Variants in EPB41 observed in about 807,000 individuals in gnomAD.
EPB41 encodes erythrocyte membrane protein band 4.1.
In EPB41, 65 loss-of-function variants were observed where a neutral mutation model predicts 108.0. The ratio of observed to expected loss-of-function variants is 0.60; its 90% CI spans 0.49 to 0.74. The LOEUF (loss-of-function observed/expected upper bound fraction) is 0.74, where lower values mean the gene tolerates loss of function less well. EPB41 is among the 30% of genes least tolerant of loss of function. The pLI is 0.00. For missense variants in EPB41, 875 were observed against 1,037.0 expected (o/e 0.84, Z 2.15); for synonymous variants, 336 against 358.9 (o/e 0.94, Z 0.72).
At chr1:29,032,489 C>G (rs1023161670) in intron 8 of EPB41, among the ~76,000 whole-genome samples, 2 of 152,114 alleles carry the variant, frequency 1.3e-5, no homozygotes, top group African/African-American at 4.8e-5. Context: ...TCTCTATACT[C>G]ATTTTGGGGG....
At chr1:29,022,393 AAAC>A (rs2096658033) in intron 7 of EPB41, among the ~76,000 whole-genome samples, 1 of 146,618 alleles carries the variant, frequency 6.8e-6, no homozygotes, top group African/African-American at 2.5e-5. Context: ...AAAAAAAAAG[AAAC>A]TGCCATTGAT....
At chr1:28,967,009 G>A (rs1286993465) in intron 1 of EPB41, among the ~76,000 whole-genome samples, 1 of 135,078 alleles carries the variant, frequency 7.4e-6, no homozygotes, top group Non-Finnish European at 1.6e-5. Context: ...ATTCATATGA[G>A]AACCTTTTTT....
chr1:28,922,120 C>T (rs1355966889), intron 1 of EPB41, among the ~76,000 whole-genome samples: 1 of 151,096 alleles, frequency 6.6e-6, no homozygotes, highest in Non-Finnish European at 1.5e-5. Flanking sequence ...CAGGCACGTG[C>T]CACCACGCCT....
chr1:28,916,165 C>T (rs1301108239), intron 1 of EPB41, among the ~76,000 whole-genome samples: 3 of 152,128 alleles, frequency 2.0e-5, no homozygotes, highest in Admixed American at 6.6e-5. Context: ...ATCTGGCGTA[C>T]AGTAAGCACT....
chr1:29,116,029 A>C (rs902464515), intron 20 of EPB41, among the ~76,000 whole-genome samples: 2 of 151,952 alleles, frequency 1.3e-5, no homozygotes, highest in African/African-American at 4.8e-5. Context: ...AAGAGGAGGG[A>C]CCCAAACTTG....
In EPB41 at chr1:28,997,290, C is replaced by G; in HGVS notation, c.757C>G (p.Leu253Val). 1 of 1,613,798 alleles carries G rather than the reference C, an allele frequency of 6.2e-7. No homozygotes were observed. The highest frequency in any genetic ancestry group is 1.1e-5 in the South Asian group (1 of 91,072). The change falls in exon 4 of 21, where the codon CTA becomes GTA. Residue 253 changes from leucine to valine, a missense_variant. By Grantham distance (32) the Leu-to-Val change is conservative. This residue lies in a region of EPB41 where 353 missense variants were observed against 393.2 expected (regional missense o/e 0.90). Transcript: ENST00000343067. ...LNLLEEDYFG[L>V]AIWDNATSKT... ...TCTTTTGGAAGAAGACTATTTTGGT[C>G]TAGCCATTTGGGATAACGCAACCTC...
chr1:28,958,861 G>T (rs2095075837), intron 1 of EPB41, among the ~76,000 whole-genome samples: 2 of 148,272 alleles, frequency 1.3e-5, no homozygotes. Context: ...AGAGAATAAT[G>T]AATTGGATAT....
At chr1:29,100,465 AAAAT>A (rs887260981) in intron 17 of EPB41, among the ~76,000 whole-genome samples, 12 of 146,748 alleles carry the variant, frequency 8.2e-5, no homozygotes, top group African/African-American at 1.7e-4. Context: ...TCTGTCTCAA[AAAAT>A]AAATAAATAA....
intron 11 of EPB41, among the ~76,000 whole-genome samples, chr1:29,042,054 G>A (rs1287843544): frequency 6.6e-6 from 1 of 152,184 alleles, no homozygotes; most frequent in Non-Finnish European, 1.5e-5. Flanking sequence ...GTTTGTAGAT[G>A]TATGCAGACC....
chr1:29,069,245 G>A, intron 16 of EPB41: 1 of 1,231,616 alleles, frequency 8.1e-7, no homozygotes, highest in Non-Finnish European at 1.0e-6. Context: ...ACTGATCAGA[G>A]AAGGCTAGCT....
At chr1:28,899,714 T>C (rs1557617697) in intron 1 of EPB41, among the ~76,000 whole-genome samples, 1 of 152,052 alleles carries the variant, frequency 6.6e-6, no homozygotes, top group Admixed American at 6.5e-5. Flanking sequence ...ACACCAGCCC[T>C]CCTAGCTCTC....
At chr1:28,908,676 C>T (rs1404499288) in intron 1 of EPB41, among the ~76,000 whole-genome samples, 4 of 150,130 alleles carry the variant, frequency 2.7e-5, no homozygotes, top group African/African-American at 9.7e-5. Context: ...GTGATCCACC[C>T]GCCTCGGCCT....
chr1:29,109,843 G>A (rs998082990), intron 18 of EPB41: 5 of 279,790 alleles, frequency 1.8e-5, no homozygotes, highest in Non-Finnish European at 3.5e-5. Flanking sequence ...AGACTAGCCT[G>A]ACCAACATGG....
intron 16 of EPB41, among the ~76,000 whole-genome samples, chr1:29,073,653 G>A (rs1652549498): frequency 6.6e-6 from 1 of 152,060 alleles, no homozygotes; most frequent in Non-Finnish European, 1.5e-5. Flanking sequence ...GATTAGAGTG[G>A]ATCATACTTG....
chr1:29,047,939 A>G (rs996735861), intron 11 of EPB41, among the ~76,000 whole-genome samples: 1 of 151,742 alleles, frequency 6.6e-6, no homozygotes, highest in Admixed American at 6.6e-5. Flanking sequence ...ATGCGCCACC[A>G]TGCCCGGCTA....
At chr1:29,066,921 C>T (rs1472611246) in intron 16 of EPB41, among the ~76,000 whole-genome samples, 3 of 150,828 alleles carry the variant, frequency 2.0e-5, no homozygotes, top group African/African-American at 7.3e-5. Flanking sequence ...GTGATCCACC[C>T]GCCTCAGCCT....
chr1:28,957,117 G>C (rs949813291), intron 1 of EPB41, among the ~76,000 whole-genome samples: 6 of 152,268 alleles, frequency 3.9e-5, no homozygotes, highest in Non-Finnish European at 7.3e-5. Flanking sequence ...TAAAGCTTAA[G>C]TTGGCATAGG....
At chr1:28,892,797 C>CTTTTT (rs995428093) in intron 1 of EPB41, among the ~76,000 whole-genome samples, 13 of 87,218 alleles carry the variant, frequency 1.5e-4, no homozygotes, top group African/African-American at 1.9e-4. Flanking sequence ...TTCCCAGGTT[C>CTTTTT]TTTTTTTTTT....
intron 1 of EPB41, among the ~76,000 whole-genome samples, chr1:28,906,453 T>C (rs2091836439): frequency 6.6e-6 from 1 of 152,136 alleles, no homozygotes; most frequent in South Asian, 2.1e-4. Flanking sequence ...AGAGAATTAG[T>C]GGGTTAAGGC....
Sources: allele counts gnomAD v4.1 joint callset (sites outside exome capture counted in the v4.1 genomes callset), GRCh38; gene constraint gnomAD v4.1.1; regional missense constraint gnomAD v4.1.1; transcripts MANE v1.5; gene names NCBI Gene and HGNC (gene_info 2026-07-23, HGNC 2026-07-21).